KCNK10: variants seen among roughly 807,000 people sequenced by gnomAD.
The protein encoded by KCNK10 is potassium channel subfamily K member 10.
In KCNK10, 25 loss-of-function variants were observed where a neutral mutation model predicts 47.7. The ratio of observed to expected loss-of-function variants is 0.52; its 90% CI spans 0.38 to 0.73. The LOEUF (loss-of-function observed/expected upper bound fraction) is 0.73, where lower values mean the gene tolerates loss of function less well. KCNK10 is among the 30% of genes least tolerant of loss of function. The pLI is 0.00. For synonymous variants in KCNK10, 303 were observed against 285.6 expected, an observed-to-expected ratio of 1.06 and a Z score of -0.61; for missense variants, 563 against 714.5, an observed-to-expected ratio of 0.79 and a Z score of 2.42.
At position 88,252,086 on chromosome 14, in the gene KCNK10, T is replaced by A. The variant is rs541407349; in HGVS notation, c.402+11116A>T. 7.9e-4 allele frequency among the ~76,000 whole-genome samples: 119 copies of A among 151,244 alleles called. No homozygotes were observed. The South Asian group carries it at 0.01, about 13-fold the overall frequency. ...TATTTTATATTTCAAACCAAGACAC[T>A]TTTTTTTTAATATAGATGGGGTTTT... On this transcript the variant is annotated intron_variant, in intron 2 of 6. Transcript: ENST00000319231.
At position 88,180,570 on chromosome 14, in the gene KCNK10, T is replaced by G. The variant is rs1179498665; in HGVS notation, c.*4965A>C. ...CAGGAGTCCTCTCAAAATAATTTAT[T>G]TTAATGCACAGGGAACTATTTCAGA... is the stretch of plus-strand genomic sequence containing the variant. On this transcript the variant is annotated 3_prime_UTR_variant, in exon 7 of 7. Transcript: ENST00000319231. The G allele has an allele frequency of 5.2e-6, 2 of 387,164 alleles. No homozygotes were observed. The highest frequency in any genetic ancestry group is 9.1e-6 in the Non-Finnish European group (2 of 219,408). 24.0% of individuals were successfully genotyped at this position (387,164 alleles called of 1,614,324 possible). A position where few individuals can be genotyped will look rare whatever the true frequency, so the allele number is the denominator to read the frequency against.
At chr14:88,279,835 A>T (rs1015331191) in intron 1 of KCNK10, among the ~76,000 whole-genome samples, 6 of 152,140 alleles carry the variant, frequency 3.9e-5, no homozygotes, top group Non-Finnish European at 8.8e-5. Context: ...GAGGTAATTG[A>T]ATCATGGGGG....
chr14:88,210,590 C>T (rs539789916), intron 4 of KCNK10, among the ~76,000 whole-genome samples: 9 of 152,120 alleles, frequency 5.9e-5, no homozygotes, highest in Non-Finnish European at 1.0e-4. Context: ...CGTCCTCCCA[C>T]CAGCTCTGCG....
chr14:88,287,677 GTGTGTGTGTGTGT>G (rs1887792526), intron 1 of KCNK10, among the ~76,000 whole-genome samples: 6 of 36,902 alleles, frequency 1.6e-4, no homozygotes, highest in Admixed American at 2.3e-4. Context: ...ATTCCATGGT[GTGTGTGTGTGTGT>G]GTGTGTGTGT....
chr14:88,263,608 A>C (rs1887178609), intron 1 of KCNK10, 57 bp from the exon 2 acceptor site: 2 of 1,449,038 alleles, frequency 1.4e-6, no homozygotes, highest in Middle Eastern at 2.5e-4. Context: ...AATAAATACA[A>C]AACGTGTCAG....
Position 88,323,078 on chromosome 14 carries a change from T to G in KCNK10, c.-280A>C. 1 of 1,260,758 alleles carries G rather than the reference T, an allele frequency of 7.9e-7. No individual in the cohort carries two copies. The allele number at this position is 1,260,758 out of a possible 1,614,324, so 78.1% of individuals were successfully genotyped here. A position where few individuals can be genotyped will look rare whatever the true frequency, so the allele number is the denominator to read the frequency against. ...GATCGGCGAGGGGTGGATGAAAGGA[T>G]GGAGAGGAAGGCTTGGGGAGATGGA... On this transcript the variant is annotated 5_prime_UTR_variant, in exon 1 of 7. Transcript: ENST00000319231.
chr14:88,257,370 T>G (rs969886092), intron 2 of KCNK10, among the ~76,000 whole-genome samples: 16 of 152,212 alleles, frequency 1.1e-4, no homozygotes, highest in African/African-American at 3.9e-4. Flanking sequence ...TTCCACGTAC[T>G]CTCATACTTC....
rs768476206 is a variant in KCNK10, at chr14:88,185,992, T to C, written c.1175A>G (p.His392Arg). Residue 392 changes from histidine (H) to arginine (R), a missense_variant, in exon 7 of 7, where the codon CAC (histidine) becomes CGC (arginine). By Grantham distance (29) the His-to-Arg change is conservative. Coordinates refer to ENST00000319231, the MANE Select transcript of KCNK10 (RefSeq NM_138317.3). The surrounding 1 kb of genome is among the most constrained non-coding windows in gnomAD (Gnocchi z 4.3). ...CTCGGGGGACAGCATGTCCAGTGAG[T>C]GGGCCCGCTGGTCCAGGCCCAGCCG... is the stretch of plus-strand genomic sequence containing the variant. ...RRRLGLDQRA[H>R]SLDMLSPEKR... The C allele has an allele frequency of 3.7e-6, 6 of 1,613,284 alleles. No individual in the cohort carries two copies. The highest frequency in any genetic ancestry group is 2.2e-5 in the East Asian group (1 of 44,844).
intron 1 of KCNK10, among the ~76,000 whole-genome samples, chr14:88,284,490 T>A (rs557076433): frequency 8.5e-5 from 13 of 152,058 alleles, no homozygotes; most frequent in Non-Finnish European, 1.8e-4. Flanking sequence ...AACTCAAACG[T>A]AGGGAAGCCG....
intron 4 of KCNK10, among the ~76,000 whole-genome samples, chr14:88,222,433 G>C (rs1480210456): frequency 6.6e-6 from 1 of 152,168 alleles, no homozygotes; most frequent in African/African-American, 2.4e-5. Flanking sequence ...GGATTTTTAG[G>C]AGAGTGAAAT....
chr14:88,208,040 G>A (rs1480911508), intron 4 of KCNK10, among the ~76,000 whole-genome samples: 1 of 152,196 alleles, frequency 6.6e-6, no homozygotes, highest in Admixed American at 6.5e-5. Context: ...CCGTGGTGAA[G>A]CAGAGATTTC....
At chr14:88,294,953 G>A (rs1887956141) in intron 1 of KCNK10, among the ~76,000 whole-genome samples, 1 of 152,164 alleles carries the variant, frequency 6.6e-6, no homozygotes, top group Admixed American at 6.5e-5. Context: ...TCTCTTCAAT[G>A]TATTTCTTAT....
Position 88,183,529 on chromosome 14 carries a change from A to G in KCNK10, c.*2006T>C, listed in dbSNP as rs3559. On this transcript the variant is annotated 3_prime_UTR_variant, in exon 7 of 7. Transcript: ENST00000319231. ...ATTTTGTCAGGCTGGAATGATTCCC[A>G]TAGTAAAACTCAACATCCACACCTG... 0.21 allele frequency: 32,095 copies of G among 152,392 alleles called. 4,386 individuals carry two copies. The highest frequency in any genetic ancestry group is 0.3 in the Non-Finnish European group (20,334 of 68,006). The allele number at this position is 152,392 out of a possible 1,614,324, so 9.4% of individuals were successfully genotyped here. A position where few individuals can be genotyped will look rare whatever the true frequency, so the allele number is the denominator to read the frequency against.
chr14:88,243,825 C>T lies in KCNK10; in HGVS notation c.403-3005G>A, dbSNP rs74789822. Among the ~76,000 whole-genome samples the T allele has an allele frequency of 2.1e-3, 319 of 150,632 alleles. 6 individuals carry two copies. The East Asian group carries it at 0.05, about 24-fold the overall frequency. The stretch of plus-strand genomic sequence containing the variant: ...CAGGTGGGAAATTCAGGCTCCGTAG[C>T]GGCAATGCCCAAGTCTTTGAAGAGC... On this transcript the variant is annotated intron_variant, in intron 2 of 6. Coordinates refer to ENST00000319231, the MANE Select transcript of KCNK10 (RefSeq NM_138317.3).
intron 4 of KCNK10, among the ~76,000 whole-genome samples, chr14:88,203,874 T>C (rs941896213): frequency 2.0e-5 from 3 of 152,154 alleles, no homozygotes; most frequent in African/African-American, 7.2e-5. Context: ...TGACAACCCC[T>C]GCCAGTACCC....
chr14:88,319,102 C>T lies in KCNK10; in HGVS notation c.52+3645G>A, dbSNP rs533845281. 3.3e-3 allele frequency among the ~76,000 whole-genome samples: 496 copies of T among 152,264 alleles called. 3 individuals carry two copies. Among genetic ancestry groups the T allele is most frequent in the African/African-American group, 0.011 (473 of 41,540 alleles). On this transcript the variant is annotated intron_variant, in intron 1 of 6. Transcript: ENST00000319231. ...GTGGTAGGTCCTACACAAACAGTAA[C>T]GCTCTTCATAGAAGTCTCTGTTCCA... is the stretch of plus-strand genomic sequence containing the variant.
chr14:88,325,236 T>A (rs1010279809), upstream of KCNK10, among the ~76,000 whole-genome samples: 1 of 152,154 alleles, frequency 6.6e-6, no homozygotes, highest in African/African-American at 2.4e-5. Flanking sequence ...TCTGCGCTCT[T>A]CTCTTTAACT....
intron 3 of KCNK10, among the ~76,000 whole-genome samples, chr14:88,238,298 C>G (rs939469593): frequency 1.3e-5 from 2 of 152,176 alleles, no homozygotes; most frequent in Non-Finnish European, 2.9e-5. Context: ...ACAATTTTCT[C>G]CATATCAGCA....
intron 4 of KCNK10, among the ~76,000 whole-genome samples, chr14:88,223,163 T>C (rs1243852578): frequency 6.6e-6 from 1 of 152,236 alleles, no homozygotes; most frequent in Non-Finnish European, 1.5e-5. Context: ...CACCTCGTTA[T>C]GCAGAAAAGC....
Sources: gnomAD v4.1 joint callset for allele counts (sites outside exome capture counted in the v4.1 genomes callset) on GRCh38, gnomAD v4.1.1 for gene constraint, Gnocchi (gnomAD v3.1) non-coding constraint, MANE v1.5 for transcripts, NCBI Gene and HGNC (gene_info 2026-07-23, HGNC 2026-07-21) for gene names.